Variants in ALKBH6 observed in about 807,000 individuals in gnomAD.
ALKBH6 encodes alkB homolog 6, nucleotide demethylase.
Under a neutral mutation model 25.1 loss-of-function variants are expected in ALKBH6, and 20 were observed. The ratio of observed to expected loss-of-function variants is 0.80; its 90% CI spans 0.56 to 1.16. The LOEUF (loss-of-function observed/expected upper bound fraction) is 1.16. Among genes scored for constraint, ALKBH6 ranks in the 50% most tolerant of loss-of-function variants. ALKBH6 has a pLI of 0.00. For missense variants in ALKBH6, 263 were observed against 326.5 expected, an observed-to-expected ratio of 0.81 and a Z score of 1.50; for synonymous variants, 156 against 147.5, an observed-to-expected ratio of 1.06 and a Z score of -0.42.
chr19:36,013,178 G>A lies in ALKBH6; in HGVS notation c.55-89C>T. 6.8e-7 allele frequency: 1 copy of A among 1,466,474 alleles called. No individual in the cohort carries two copies. 90.8% of individuals were successfully genotyped at this position (1,466,474 alleles called of 1,614,324 possible). A position where few individuals can be genotyped will look rare whatever the true frequency, so the allele number is the denominator to read the frequency against. On this transcript the variant is annotated intron_variant, in intron 2 of 6. Transcript: ENST00000378875. The surrounding 1 kb of genome is among the most constrained non-coding windows in gnomAD (Gnocchi z 4.6). Reference sequence around the variant, plus strand: ...GAGCAACCCCTATGCCTGGAGACAGGCTCAGGATGTCCTCAGACAGGTCAG... The same window carrying A: ...GAGCAACCCCTATGCCTGGAGACAGACTCAGGATGTCCTCAGACAGGTCAG...
rs757855458 is a variant in ALKBH6 at position 36,011,073 on chromosome 19, C to A, written c.185-28G>T. The A allele has an allele frequency of 2.5e-6, 4 of 1,572,744 alleles. No individual in the cohort carries two copies. The Admixed American group carries it at 7.4e-5, about 29-fold the overall frequency. ...GGGGAAGGCAATGGGGTCCTGAGGGCCCCCCTATAGCAATAGATCCCCCAT... is the reference window on the plus strand; with the variant it reads ...GGGGAAGGCAATGGGGTCCTGAGGGACCCCCTATAGCAATAGATCCCCCAT... On this transcript the variant is annotated intron_variant, in intron 4 of 6. Coordinates refer to ENST00000378875, the MANE Select transcript of ALKBH6 (RefSeq NM_032878.5).
At chr19:36,009,963 A>T (rs937965863) in intron 6 of ALKBH6, among the ~76,000 whole-genome samples, 2 of 152,000 alleles carry the variant, frequency 1.3e-5, no homozygotes, top group African/African-American at 4.8e-5. Flanking sequence ...AGTGAGGCAG[A>T]GGTTAGAGGC....
Position 36,010,522 on chromosome 19 carries a change from G to T in ALKBH6, c.453+45C>A. 6.5e-7 allele frequency: 1 copy of T among 1,527,152 alleles called. No homozygotes were observed. Among genetic ancestry groups the T allele is most frequent in the Non-Finnish European group, 9.0e-7 (1 of 1,104,982 alleles). 94.6% of individuals were successfully genotyped at this position (1,527,152 alleles called of 1,614,324 possible). On this transcript the variant is annotated intron_variant, in intron 6 of 6. Coordinates refer to ENST00000378875, the MANE Select transcript of ALKBH6 (RefSeq NM_032878.5). The surrounding 1 kb of genome is among the most constrained non-coding windows in gnomAD (Gnocchi z 5.5). The stretch of plus-strand genomic sequence containing the variant: ...CCAGGTCATCTTGGAGGATGTGCGA[G>T]GTTGAAGTGCCTACAAGCAGCTGGG...
In ALKBH6 at chr19:36,009,157, T is replaced by C. The variant is rs1968502718; in HGVS notation, c.*133A>G. 8.5e-7 allele frequency: 1 copy of C among 1,181,196 alleles called. No individual in the cohort carries two copies. Among genetic ancestry groups the C allele is most frequent in the Admixed American group, 4.2e-5 (1 of 23,670 alleles). The allele number at this position is 1,181,196 out of a possible 1,614,324, so 73.2% of individuals were successfully genotyped here. ...TGTTTATTTGGTATGGGGTCTTCTG[T>C]AGCTCACACAAAATTATTGGGAAAA... is the stretch of plus-strand genomic sequence containing the variant. On this transcript the variant is annotated 3_prime_UTR_variant, in exon 7 of 7. Coordinates refer to ENST00000378875, the MANE Select transcript of ALKBH6 (RefSeq NM_032878.5).
In ALKBH6 at chr19:36,013,473, C is replaced by G; in HGVS notation, c.-25-51G>C. On this transcript the variant is annotated intron_variant, in intron 1 of 6. Transcript: ENST00000378875. The surrounding 1 kb of genome is among the most constrained non-coding windows in gnomAD (Gnocchi z 4.6). Reference sequence around the variant, plus strand: ...AGTCACTAGGCCTCCCGCCCTAACACCATGATGCAGCATTCCACCCCATCA... The same window carrying G: ...AGTCACTAGGCCTCCCGCCCTAACAGCATGATGCAGCATTCCACCCCATCA... The G allele has an allele frequency of 3.1e-6, 5 of 1,608,452 alleles. No homozygotes were observed. In the South Asian group the frequency reaches 5.5e-5, roughly 18 times the overall value.
chr19:36,013,966 C>G lies in ALKBH6; in HGVS notation c.-26+209G>C. ...CGCCCCTCGGATTTCCCCTCCTGAG[C>G]GCCCCTTCACTCCAGCACCCTGAGA... On this transcript the variant is annotated intron_variant, in intron 1 of 6. Coordinates refer to ENST00000378875, the MANE Select transcript of ALKBH6 (RefSeq NM_032878.5). The surrounding 1 kb of genome is among the most constrained non-coding windows in gnomAD (Gnocchi z 4.6). 7.2e-7 allele frequency: 1 copy of G among 1,384,024 alleles called. No individual in the cohort carries two copies. The highest frequency in any genetic ancestry group is 9.3e-7 in the Non-Finnish European group (1 of 1,074,934). The allele number at this position is 1,384,024 out of a possible 1,614,324, so 85.7% of individuals were successfully genotyped here. A position where few individuals can be genotyped will look rare whatever the true frequency, so the allele number is the denominator to read the frequency against.
At position 36,010,282 on chromosome 19, in the gene ALKBH6, C is replaced by T. The variant is rs1968559567; in HGVS notation, c.453+285G>A. The stretch of plus-strand genomic sequence containing the variant: ...GAGGTGAGGCCCCCCGAGTTAATGG[C>T]GGTGGGGTATCTAAGGATATCAGTG... On this transcript the variant is annotated intron_variant, in intron 6 of 6. Coordinates refer to ENST00000378875, the MANE Select transcript of ALKBH6 (RefSeq NM_032878.5). The surrounding 1 kb of genome is among the most constrained non-coding windows in gnomAD (Gnocchi z 5.5). 2.6e-5 allele frequency: 10 copies of T among 392,106 alleles called. No homozygotes were observed. Among genetic ancestry groups the T allele is most frequent in the East Asian group, 9.5e-5 (2 of 21,080 alleles). 24.3% of individuals were successfully genotyped at this position (392,106 alleles called of 1,614,324 possible).
Position 36,013,510 on chromosome 19 carries a change from T to A in ALKBH6, c.-25-88A>T. The A allele has an allele frequency of 1.9e-6, 3 of 1,573,616 alleles. No individual in the cohort carries two copies. Among genetic ancestry groups the A allele is most frequent in the Non-Finnish European group, 2.6e-6 (3 of 1,160,078 alleles). On this transcript the variant is annotated intron_variant, in intron 1 of 6. Transcript: ENST00000378875. This position sits in a 1 kb window ranked among gnomAD's most constrained non-coding sequence, Gnocchi z 4.6. Reference sequence around the variant, plus strand: ...ATTCCACCCCATCACAGGCCAGGCCTCACCTCAGCCCTCTTCTGAAACGCA... The same window carrying A: ...ATTCCACCCCATCACAGGCCAGGCCACACCTCAGCCCTCTTCTGAAACGCA...
intron 6 of ALKBH6, among the ~76,000 whole-genome samples, chr19:36,009,774 G>A (rs185047177): frequency 6.6e-6 from 1 of 151,936 alleles, no homozygotes. Flanking sequence ...TCCCTCGGGA[G>A]GGGGCAGGAT....
rs1400695650 is a variant in ALKBH6, at chr19:36,010,406, T to C, written c.453+161A>G. 1.6e-5 allele frequency: 11 copies of C among 682,818 alleles called. No homozygotes were observed. The East Asian group carries it at 2.8e-4, about 17-fold the overall frequency. The allele number at this position is 682,818 out of a possible 1,614,324, so 42.3% of individuals were successfully genotyped here. ...GACAGACACCCTGTAAGCAGATGGG[T>C]TGGGTGTCTGGGAGGAAGTGGGTAC... On this transcript the variant is annotated intron_variant, in intron 6 of 6. Coordinates refer to ENST00000378875, the MANE Select transcript of ALKBH6 (RefSeq NM_032878.5). This position sits in a 1 kb window ranked among gnomAD's most constrained non-coding sequence, Gnocchi z 5.5.
chr19:36,014,020 C>A, intron 1 of ALKBH6, 155 bp downstream of exon 1: 1 of 1,451,834 alleles, frequency 6.9e-7, no homozygotes, highest in East Asian at 2.8e-5. Context: ...ACTCCCAAAT[C>A]TTCTTCCCTC....
At chr19:36,011,155 TG>T in intron 4 of ALKBH6, 110 bp from the exon 5 acceptor site, 1 of 1,436,996 alleles carries the variant, frequency 7.0e-7, no homozygotes, top group Non-Finnish European at 9.4e-7. Context: ...CCTGACCGTT[TG>T]GAGATAGCCA....
chr19:36,009,650 G>A (rs536141240), intron 6 of ALKBH6, 97 bp from the exon 7 acceptor site: 5 of 913,354 alleles, frequency 5.5e-6, no homozygotes, highest in Admixed American at 8.6e-5. Flanking sequence ...GTCCCCAGGG[G>A]CAAAAGCTGA....
chr19:36,014,088 C>G, intron 1 of ALKBH6, 87 bp downstream of exon 1: 1 of 1,588,346 alleles, frequency 6.3e-7, no homozygotes. Flanking sequence ...TCTGAGCCTC[C>G]TCGGACTCCT....
At chr19:36,011,087 T>C (rs557509449) in intron 4 of ALKBH6, 42 bp from the exon 5 acceptor site, 70 of 1,559,586 alleles carry the variant, frequency 4.5e-5, no homozygotes, top group African/African-American at 8.2e-5. Flanking sequence ...CCTATAGCAA[T>C]AGATCCCCCA....
In ALKBH6 at chr19:36,010,503, C is replaced by A; in HGVS notation, c.453+64G>T. ...ACCCCGAAGGCATGTGGGACCAGGT[C>A]ATCTTGGAGGATGTGCGAGGTTGAA... On this transcript the variant is annotated intron_variant, in intron 6 of 6. Coordinates refer to ENST00000378875, the MANE Select transcript of ALKBH6 (RefSeq NM_032878.5). This position sits in a 1 kb window ranked among gnomAD's most constrained non-coding sequence, Gnocchi z 5.5. The A allele has an allele frequency of 2.1e-6, 3 of 1,398,938 alleles. No homozygotes were observed. The highest frequency in any genetic ancestry group is 3.4e-5 in the Admixed American group (2 of 58,330). 86.7% of individuals were successfully genotyped at this position (1,398,938 alleles called of 1,614,324 possible).
At chr19:36,012,227 T>C (rs1968630340) in intron 3 of ALKBH6, 1 of 152,240 alleles carries the variant, frequency 6.6e-6, no homozygotes, top group South Asian at 2.1e-4. Flanking sequence ...GCAACCGACT[T>C]GTTCCTATTG....
chr19:36,011,602 G>A, intron 3 of ALKBH6, 138 bp from the exon 4 acceptor site: 1 of 928,292 alleles, frequency 1.1e-6, no homozygotes, highest in South Asian at 1.6e-5. Context: ...TGGGGCGGTG[G>A]GTTCCTAGGA....
chr19:36,013,650 A>C lies in ALKBH6; in HGVS notation c.-25-228T>G. The C allele has an allele frequency of 7.3e-7, 1 of 1,375,810 alleles. No individual in the cohort carries two copies. The highest frequency in any genetic ancestry group is 2.9e-5 in the East Asian group (1 of 35,016). 85.2% of individuals were successfully genotyped at this position (1,375,810 alleles called of 1,614,324 possible). A position where few individuals can be genotyped will look rare whatever the true frequency, so the allele number is the denominator to read the frequency against. On this transcript the variant is annotated intron_variant, in intron 1 of 6. Coordinates refer to ENST00000378875, the MANE Select transcript of ALKBH6 (RefSeq NM_032878.5). This position sits in a 1 kb window ranked among gnomAD's most constrained non-coding sequence, Gnocchi z 4.6. ...TAATCCCCCATTACTCTGTCCACTA[A>C]GGGCCCATCCAACTACACATATGCC... is the stretch of plus-strand genomic sequence containing the variant.
Sources: gnomAD v4.1 joint callset for allele counts (sites outside exome capture counted in the v4.1 genomes callset) on GRCh38, gnomAD v4.1.1 for gene constraint, Gnocchi (gnomAD v3.1) non-coding constraint, MANE v1.5 for transcripts, NCBI Gene and HGNC (gene_info 2026-07-23, HGNC 2026-07-21) for gene names.